HYAL4: variants seen among roughly 807,000 people sequenced by gnomAD.
HYAL4 encodes hyaluronidase 4, also known as hyaluronidase-4.
In HYAL4, 37 loss-of-function variants were observed where a neutral mutation model predicts 35.2. The observed-to-expected ratio is 1.05, with a 90% CI of 0.81 to 1.38. The LOEUF (loss-of-function observed/expected upper bound fraction) is 1.38. Ranked by LOEUF, HYAL4 falls within the 40% of genes most tolerant of loss-of-function variation. The pLI is 0.00. For synonymous variants in HYAL4, 198 were observed against 203.2 expected (o/e 0.97, Z 0.22); for missense variants, 572 against 572.4 (o/e 1.00, Z 0.01).
chr7:123,775,614 A>C, the HYAL4 span, among the ~76,000 whole-genome samples: 1 of 152,342 alleles, frequency 6.6e-6, no homozygotes, highest in South Asian at 2.1e-4. Context: ...TGCTGAGTGC[A>C]GTCCACTTGT....
intron 2 of HYAL4, among the ~76,000 whole-genome samples, chr7:123,850,478 C>T (rs550953782): frequency 1.3e-5 from 2 of 152,188 alleles, no homozygotes; most frequent in African/African-American, 4.8e-5. Context: ...TGGGCTCAAG[C>T]GGTCCTCCTC....
intron 1 of HYAL4, among the ~76,000 whole-genome samples, chr7:123,835,051 G>A (rs1318445319): frequency 1.3e-5 from 2 of 151,566 alleles, no homozygotes; most frequent in African/African-American, 2.4e-5. Context: ...TTTTTTTTTG[G>A]TTATGTCCTT....
intron 2 of HYAL4, among the ~76,000 whole-genome samples, chr7:123,864,850 C>T (rs1327550113): frequency 2.6e-5 from 4 of 151,562 alleles, no homozygotes; most frequent in Non-Finnish European, 5.9e-5. Flanking sequence ...AGTGCCCTGA[C>T]CTGGCTGTAT....
At chr7:123,824,761 A>C (rs1421367971), upstream of HYAL4, among the ~76,000 whole-genome samples, 1 of 152,086 alleles carries the variant, frequency 6.6e-6, no homozygotes, top group Non-Finnish European at 1.5e-5. Flanking sequence ...GATCATGAAA[A>C]TACTCCTGTA....
chr7:123,764,857 A>T, the HYAL4 span, among the ~76,000 whole-genome samples: 1 of 152,122 alleles, frequency 6.6e-6, no homozygotes, highest in Non-Finnish European at 1.5e-5. Context: ...CTCCAGTTTT[A>T]GTTCTTTTTT....
chr7:123,871,255 G>A (rs1408569160), intron 3 of HYAL4, among the ~76,000 whole-genome samples: 2 of 150,514 alleles, frequency 1.3e-5, no homozygotes, highest in East Asian at 2.0e-4. Flanking sequence ...GCAGTGGCGC[G>A]ATTTCGGCTC....
the HYAL4 span, among the ~76,000 whole-genome samples, chr7:123,806,396 A>G: frequency 6.6e-6 from 1 of 151,508 alleles, no homozygotes; most frequent in African/African-American, 2.4e-5. Context: ...AATACTGCCA[A>G]TTTCTCCATT....
chr7:123,817,492 C>T, the HYAL4 span, among the ~76,000 whole-genome samples: 1 of 151,356 alleles, frequency 6.6e-6, no homozygotes, highest in Non-Finnish European at 1.5e-5. Context: ...TGACCTTCCC[C>T]TCCAATGCAT....
At chr7:123,786,514 AT>A in the HYAL4 span, among the ~76,000 whole-genome samples, 10,025 of 146,348 alleles carry the variant, frequency 0.069, 403 homozygotes, top group East Asian at 0.12. Flanking sequence ...CATCAGCTTT[AT>A]TTTTTTTTTT....
the HYAL4 span, among the ~76,000 whole-genome samples, chr7:123,819,022 T>C: frequency 6.6e-6 from 1 of 152,152 alleles, no homozygotes; most frequent in Non-Finnish European, 1.5e-5. Context: ...ATACAATAGA[T>C]CTCTTGAACT....
intron 2 of HYAL4, among the ~76,000 whole-genome samples, chr7:123,857,657 C>CTTTG (rs1164019138): frequency 8.8e-4 from 59 of 67,014 alleles, no homozygotes; most frequent in Admixed American, 2.5e-3. Flanking sequence ...TTCTTTGTTT[C>CTTTG]TTTCTTTGTT....
chr7:123,834,117 G>A (rs1171635331), intron 1 of HYAL4, among the ~76,000 whole-genome samples: 1 of 152,066 alleles, frequency 6.6e-6, no homozygotes, highest in Non-Finnish European at 1.5e-5. Context: ...CTAGTTCTAT[G>A]AAGAATCATG....
At chr7:123,850,710 T>G (rs1160214978) in intron 2 of HYAL4, among the ~76,000 whole-genome samples, 1 of 152,188 alleles carries the variant, frequency 6.6e-6, no homozygotes. Flanking sequence ...GTGAAAAATC[T>G]AAATCTCATT....
intron 2 of HYAL4, among the ~76,000 whole-genome samples, chr7:123,856,512 T>A (rs1015802268): frequency 6.6e-6 from 1 of 152,162 alleles, no homozygotes; most frequent in African/African-American, 2.4e-5. Flanking sequence ...TTGCCTGGTA[T>A]CACTAGGAGG....
the HYAL4 span, among the ~76,000 whole-genome samples, chr7:123,805,620 G>T: frequency 0.31 from 46,942 of 151,752 alleles, 8,054 homozygotes; most frequent in South Asian, 0.38. Flanking sequence ...AATGATGGAG[G>T]CAGTAGATAA....
chr7:123,764,467 A>G, the HYAL4 span, among the ~76,000 whole-genome samples: 1 of 152,216 alleles, frequency 6.6e-6, no homozygotes, highest in Non-Finnish European at 1.5e-5. Flanking sequence ...GACATTTACA[A>G]TTACATGTCC....
chr7:123,843,387 T>C (rs932899900), upstream of HYAL4, among the ~76,000 whole-genome samples: 2 of 152,082 alleles, frequency 1.3e-5, no homozygotes, highest in Non-Finnish European at 2.9e-5. Context: ...CTAATGGGCT[T>C]CCCTTTGTTG....
At chr7:123,790,655 A>G in the HYAL4 span, 3 of 146,634 alleles carry the variant, frequency 2.0e-5, no homozygotes, top group Non-Finnish European at 3.0e-5. Flanking sequence ...CGCAGGGGCC[A>G]TGCTAATCTT....
intron 1 of HYAL4, among the ~76,000 whole-genome samples, chr7:123,830,622 C>G (rs1262105849): frequency 6.6e-6 from 1 of 152,142 alleles, no homozygotes; most frequent in Non-Finnish European, 1.5e-5. Context: ...TCCATACAAC[C>G]CACAATTTTC....
Sources: gnomAD v4.1 joint callset for allele counts (sites outside exome capture counted in the v4.1 genomes callset) on GRCh38, gnomAD v4.1.1 for gene constraint, MANE v1.5 for transcripts, NCBI Gene and HGNC (gene_info 2026-07-23, HGNC 2026-07-21) for gene names.